L3MBTL4: variants seen among roughly 807,000 people sequenced by gnomAD.
The protein encoded by L3MBTL4 is L3MBTL histone methyl-lysine binding protein 4, also known as lethal(3)malignant brain tumor-like protein 4.
In L3MBTL4, 70 loss-of-function variants were observed where a neutral mutation model predicts 84.5. That is an observed-to-expected ratio of 0.83 (90% CI 0.68 to 1.01). The LOEUF (loss-of-function observed/expected upper bound fraction) is 1.01. Among genes scored for constraint, L3MBTL4 ranks in the 50% least tolerant of loss-of-function variants. L3MBTL4 has a pLI of 0.00. For synonymous variants in L3MBTL4, 274 were observed against 259.8 expected, an observed-to-expected ratio of 1.05 and a Z score of -0.52; for missense variants, 715 against 754.8, an observed-to-expected ratio of 0.95 and a Z score of 0.62.
At chr18:6,403,559 T>G (rs1443924174) in intron 1 of L3MBTL4, among the ~76,000 whole-genome samples, 1 of 152,232 alleles carries the variant, frequency 6.6e-6, no homozygotes, top group Non-Finnish European at 1.5e-5. Flanking sequence ...ACATATCATT[T>G]TACCATAAAT....
At chr18:5,960,820 G>GC in intron 17 of L3MBTL4, 1 of 152,400 alleles carries the variant, frequency 6.6e-6, no homozygotes, top group South Asian at 2.1e-4. Flanking sequence ...CCCTCACCAT[G>GC]CCCCCACATG....
chr18:6,370,221 C>T (rs142032867), intron 1 of L3MBTL4, among the ~76,000 whole-genome samples: 136 of 152,054 alleles, frequency 8.9e-4, no homozygotes, highest in Middle Eastern at 3.4e-3. Context: ...GATTTTTATC[C>T]GGTCGGTCTT....
chr18:6,352,129 C>A (rs544909286), intron 1 of L3MBTL4, among the ~76,000 whole-genome samples: 1 of 152,300 alleles, frequency 6.6e-6, no homozygotes, highest in East Asian at 1.9e-4. Flanking sequence ...TCCCTTCTCA[C>A]TGCTAGTAAT....
At chr18:6,358,714 C>A (rs76114621) in intron 1 of L3MBTL4, among the ~76,000 whole-genome samples, 119 of 152,348 alleles carry the variant, frequency 7.8e-4, no homozygotes, top group African/African-American at 2.8e-3. Flanking sequence ...TTTACAATGT[C>A]TACCCTCAGG....
At chr18:6,071,783 AAG>A (rs1450886298) in intron 16 of L3MBTL4, among the ~76,000 whole-genome samples, 6 of 143,408 alleles carry the variant, frequency 4.2e-5, no homozygotes, top group South Asian at 2.2e-4. Flanking sequence ...GAAAGAAAGA[AAG>A]AAAGAAAGAA....
At chr18:6,303,614 G>T (rs972223500) in intron 3 of L3MBTL4, among the ~76,000 whole-genome samples, 1 of 152,034 alleles carries the variant, frequency 6.6e-6, no homozygotes, top group Non-Finnish European at 1.5e-5. Context: ...TGGCTAGTGT[G>T]GCTGTCAGTC....
At chr18:6,268,565 A>C (rs1031978538) in intron 4 of L3MBTL4, among the ~76,000 whole-genome samples, 42 of 152,324 alleles carry the variant, frequency 2.8e-4, no homozygotes, top group African/African-American at 1.0e-3. Context: ...TTCAGTCACT[A>C]AATTTATTTT....
At chr18:6,322,681 A>T (rs1261069820) in intron 1 of L3MBTL4, among the ~76,000 whole-genome samples, 1 of 152,212 alleles carries the variant, frequency 6.6e-6, no homozygotes, top group Non-Finnish European at 1.5e-5. Context: ...AACCATAAAA[A>T]GTGAGATCCT....
chr18:5,987,708 G>A (rs1163117015), intron 16 of L3MBTL4, among the ~76,000 whole-genome samples: 1 of 151,628 alleles, frequency 6.6e-6, no homozygotes, highest in East Asian at 1.9e-4. Flanking sequence ...ACTAAAAATA[G>A]GTTAGTGGAA....
chr18:6,106,665 A>G (rs2059019847), intron 14 of L3MBTL4, among the ~76,000 whole-genome samples: 1 of 152,240 alleles, frequency 6.6e-6, no homozygotes, highest in South Asian at 2.1e-4. Context: ...GCTCTATCCT[A>G]GCAAGTTTTA....
intron 16 of L3MBTL4, among the ~76,000 whole-genome samples, chr18:5,971,192 G>GT (rs1030465278): frequency 6.6e-6 from 1 of 152,242 alleles, no homozygotes; most frequent in African/African-American, 2.4e-5. Flanking sequence ...AAATGTGAAT[G>GT]TTTTTTAATG....
chr18:6,010,923 C>T (rs1222037586), intron 16 of L3MBTL4, among the ~76,000 whole-genome samples: 2 of 152,184 alleles, frequency 1.3e-5, no homozygotes, highest in Non-Finnish European at 1.5e-5. Flanking sequence ...ACTTTAGAAT[C>T]ACCCTTCACT....
chr18:6,050,226 C>G (rs1452170432), intron 16 of L3MBTL4, among the ~76,000 whole-genome samples: 2 of 152,130 alleles, frequency 1.3e-5, no homozygotes, highest in African/African-American at 2.4e-5. Context: ...TATCTGTATC[C>G]CTTTCCTCTG....
rs187533496 is a variant in L3MBTL4, at chr18:6,031,203, A to G, written c.1444+49678T>C. 3.0e-5 allele frequency: 30 copies of G among 985,374 alleles called. No individual in the cohort carries two copies. In the African/African-American group the frequency reaches 5.1e-4, roughly 17 times the overall value. 61.0% of individuals were successfully genotyped at this position (985,374 alleles called of 1,614,324 possible). On this transcript the variant is annotated intron_variant, in intron 16 of 18. Transcript: ENST00000317931. ...CCCCGTGGGAGTAGAATGATCATTGAGCATTATTTTAGTTTCTGTTTCAAA... is the reference window on the plus strand; with the variant it reads ...CCCCGTGGGAGTAGAATGATCATTGGGCATTATTTTAGTTTCTGTTTCAAA...
At chr18:5,971,375 G>A (rs1360007668) in intron 16 of L3MBTL4, among the ~76,000 whole-genome samples, 2 of 152,164 alleles carry the variant, frequency 1.3e-5, no homozygotes, top group Non-Finnish European at 2.9e-5. Flanking sequence ...CCAAAACTGG[G>A]CTGTATTCTG....
rs576597973 is a variant in L3MBTL4 at position 6,057,469 on chromosome 18, A to G, written c.1444+23412T>C. Among the ~76,000 whole-genome samples the G allele has an allele frequency of 2.1e-4, 32 of 152,374 alleles. 2 individuals are homozygous for G. The highest frequency in any genetic ancestry group is 7.7e-4 in the African/African-American group (32 of 41,586). On this transcript the variant is annotated intron_variant, in intron 16 of 18. Transcript: ENST00000317931. ...CAAATAAAAGAGAAAAATGTCATCA[A>G]AATACCTATATCTAAAAAACTCAGG... is the stretch of plus-strand genomic sequence containing the variant.
chr18:6,048,548 G>A (rs954289887), intron 16 of L3MBTL4, among the ~76,000 whole-genome samples: 17 of 152,158 alleles, frequency 1.1e-4, no homozygotes, highest in Admixed American at 3.3e-4. Flanking sequence ...TGTCATCCCA[G>A]CACTGTGGGA....
At chr18:6,163,335 TA>T (rs1281421802) in intron 13 of L3MBTL4, among the ~76,000 whole-genome samples, 6 of 143,052 alleles carry the variant, frequency 4.2e-5, no homozygotes, top group Admixed American at 1.5e-4. Flanking sequence ...GCTTTCACAA[TA>T]GGGGCAGGGA....
Position 6,099,669 on chromosome 18 carries a change from T to C in L3MBTL4, c.1200-6141A>G, listed in dbSNP as rs145277623. The stretch of plus-strand genomic sequence containing the variant: ...AATTTTCTTCAAATTCCTGTGGCTG[T>C]AAAATCAGTTCACCTAAGATATTTT... On this transcript the variant is annotated intron_variant, in intron 14 of 18. Coordinates refer to ENST00000317931, the MANE Select transcript of L3MBTL4 (RefSeq NM_001330559.2). 8.0e-3 allele frequency among the ~76,000 whole-genome samples: 1,140 copies of C among 141,744 alleles called. 10 individuals carry two copies. Among genetic ancestry groups the C allele is most frequent in the Middle Eastern group, 0.015 (4 of 268 alleles). The allele number at this position is 141,744 out of a possible 152,430, so 93.0% of individuals were successfully genotyped here.
Sources: gnomAD v4.1 joint callset for allele counts (sites outside exome capture counted in the v4.1 genomes callset) on GRCh38, gnomAD v4.1.1 for gene constraint, MANE v1.5 for transcripts, NCBI Gene and HGNC (gene_info 2026-07-23, HGNC 2026-07-21) for gene names.